The following DDX1 variants were observed in gnomAD, a reference collection of about 807,000 sequenced individuals.
The protein encoded by DDX1 is DEAD-box helicase 1.
A neutral mutation model predicts 108.7 loss-of-function variants in DDX1; 28 were observed. The observed-to-expected ratio is 0.26, with a 90% CI of 0.19 to 0.35. The LOEUF is 0.35. Among genes scored for constraint, DDX1 ranks in the 10% least tolerant of loss-of-function variants. The pLI is 1.00. For missense variants in DDX1, 710 were observed against 884.5 expected (o/e 0.80, Z 2.50); for synonymous variants, 295 against 288.9 (o/e 1.02, Z -0.21).
chr2:15,610,851 TC>T (rs1181927496), intron 13 of DDX1, among the ~76,000 whole-genome samples: 2 of 137,306 alleles, frequency 1.5e-5, no homozygotes, highest in Non-Finnish European at 3.0e-5. Flanking sequence ...TTTCCCACCT[TC>T]CCCAGACTTG....
Position 15,617,248 on chromosome 2 carries a change from A to C in DDX1, c.1022A>C (p.Asp341Ala). 1 of 1,559,938 alleles carries C rather than the reference A, an allele frequency of 6.4e-7. No homozygotes were observed. The highest frequency in any genetic ancestry group is 8.7e-7 in the Non-Finnish European group (1 of 1,147,220). Residue 341 changes from aspartate (D) to alanine (A), a missense_variant, in exon 15 of 26, where the codon GAT becomes GCT. This residue lies in a region of DDX1 where 661 missense variants were observed against 810.2 expected (regional missense o/e 0.82). Coordinates refer to ENST00000233084, the MANE Select transcript of DDX1 (RefSeq NM_004939.3). ...GGTTGGTTTGCTTTTTTTCAGGTAGATATAGTTGTAGGTACTCCGGGAAGA... is the reference window on the plus strand; with the variant it reads ...GGTTGGTTTGCTTTTTTTCAGGTAGCTATAGTTGTAGGTACTCCGGGAAGA... ...DQLSVLENGV[D>A]IVVGTPGRLD...
rs1389008261 is a variant in DDX1, at chr2:15,607,297, G to A, written c.940G>A (p.Asp314Asn). Residue 314 changes from aspartate to asparagine, a missense_variant, in exon 13 of 26, where the codon GAT becomes AAT. Asp to Asn is a conservative substitution (Grantham distance 23). Around this residue, in one of 3 missense-constraint regions of DDX1, gnomAD observed 661 missense variants for 810.2 expected, o/e 0.82. Coordinates refer to ENST00000233084, the MANE Select transcript of DDX1 (RefSeq NM_004939.3). ...CATCAAGCAGTTTAAGAAATACATT[G>A]ATAATCCTAAATTAAGGTAAATCTT... is the stretch of plus-strand genomic sequence containing the variant. ...NNIKQFKKYIDNPKLRELLII... is the reference protein window; with the variant it reads ...NNIKQFKKYINNPKLRELLII... The A allele has an allele frequency of 6.2e-7, 1 of 1,613,018 alleles. No individual in the cohort carries two copies. The highest frequency in any genetic ancestry group is 1.3e-5 in the African/African-American group (1 of 74,882).
chr2:15,597,967 A>G (rs1665527603), intron 5 of DDX1, among the ~76,000 whole-genome samples: 1 of 152,114 alleles, frequency 6.6e-6, no homozygotes, highest in Non-Finnish European at 1.5e-5. Flanking sequence ...TCCTATCTAC[A>G]TGGAAATTGG....
At chr2:15,594,890 T>A (rs1665474214) in intron 1 of DDX1, among the ~76,000 whole-genome samples, 1 of 152,216 alleles carries the variant, frequency 6.6e-6, no homozygotes, top group South Asian at 2.1e-4. Flanking sequence ...AGGTAGGCAA[T>A]ATCAGCCCCA....
intron 1 of DDX1, among the ~76,000 whole-genome samples, chr2:15,592,927 T>TG (rs1248618430): frequency 9.8e-5 from 6 of 61,102 alleles, no homozygotes; most frequent in South Asian, 1.3e-3. Flanking sequence ...GGGGGGAGAA[T>TG]GGGGGGGTGG....
chr2:15,625,985 A>G (rs1666095768), intron 19 of DDX1, among the ~76,000 whole-genome samples: 1 of 152,030 alleles, frequency 6.6e-6, no homozygotes, highest in Non-Finnish European at 1.5e-5. Context: ...TATGTTTTGA[A>G]TGGAGGAGTT....
At chr2:15,598,147 CTT>C (rs1358561105) in intron 5 of DDX1, among the ~76,000 whole-genome samples, 2 of 152,068 alleles carry the variant, frequency 1.3e-5, no homozygotes, top group Non-Finnish European at 2.9e-5. Context: ...TTAAGTCACT[CTT>C]GTTTCATTAT....
Position 15,597,474 on chromosome 2 carries a change from A to G in DDX1, c.259+3A>G, listed in dbSNP as rs1573036101. 6.4e-7 allele frequency: 1 copy of G among 1,552,708 alleles called. No individual in the cohort carries two copies. The highest frequency in any genetic ancestry group is 8.8e-7 in the Non-Finnish European group (1 of 1,133,446). On this transcript the variant is annotated splice_donor_region_variant and intron_variant, in intron 5 of 25. Coordinates refer to ENST00000233084, the MANE Select transcript of DDX1 (RefSeq NM_004939.3). The stretch of plus-strand genomic sequence containing the variant: ...AACAATTAAAACTGGTGCTTCAGGT[A>G]ATTTTTGTAAATTGATATTTCCTTT...
intron 1 of DDX1, 152 bp downstream of exon 1, chr2:15,592,101 C>A: frequency 1.3e-6 from 1 of 745,362 alleles, no homozygotes; most frequent in Non-Finnish European, 1.9e-6. Context: ...ACCCGCGTTG[C>A]GGGATCAGGG....
intron 1 of DDX1, among the ~76,000 whole-genome samples, chr2:15,594,137 A>T (rs1665464027): frequency 2.6e-5 from 4 of 152,072 alleles, no homozygotes; most frequent in Non-Finnish European, 5.9e-5. Context: ...TTTGAAAATG[A>T]TGATCCTTCT....
At chr2:15,616,042 G>A (rs1020721450) in intron 14 of DDX1, among the ~76,000 whole-genome samples, 9 of 147,722 alleles carry the variant, frequency 6.1e-5, no homozygotes, top group African/African-American at 2.0e-4. Flanking sequence ...AGATGTGCAC[G>A]CCGCCATGCC....
In DDX1 at chr2:15,627,061, TA is replaced by T; in HGVS notation, c.1608del (p.Gly537AspfsTer30). 1 of 1,607,262 alleles carries T rather than the reference TA, an allele frequency of 6.2e-7. No individual in the cohort carries two copies. Among genetic ancestry groups the T allele is most frequent in the Non-Finnish European group, 8.5e-7 (1 of 1,176,498 alleles). ...YFIQQGGGPD[K>X]KGHQFSCVCL... ...TAATGTGCTTTTCACTAGGACCTGA[TA>T]AAAAAGGACACCAGTTCTCATGTGT... On this transcript the variant is annotated frameshift_variant, in exon 20 of 26. Transcript: ENST00000233084. LOFTEE classifies it high-confidence loss of function.
intron 1 of DDX1, among the ~76,000 whole-genome samples, chr2:15,593,139 C>G (rs1665445372): frequency 6.6e-6 from 1 of 152,106 alleles, no homozygotes; most frequent in African/African-American, 2.4e-5. Context: ...CCAGGCTGGT[C>G]TCGAACTCCT....
At chr2:15,597,752 C>T (rs1665524744) in intron 5 of DDX1, among the ~76,000 whole-genome samples, 1 of 152,032 alleles carries the variant, frequency 6.6e-6, no homozygotes, top group Non-Finnish European at 1.5e-5. Flanking sequence ...AACCTTATAA[C>T]TTTCTATGCT....
intron 23 of DDX1, 84 bp from the exon 24 acceptor site, chr2:15,629,518 A>G: frequency 3.0e-6 from 3 of 987,116 alleles, no homozygotes; most frequent in South Asian, 3.4e-5. Flanking sequence ...GAGGACAGAA[A>G]ACAATTAAAA....
Position 15,630,077 on chromosome 2 carries a change from A to G in DDX1, c.2059A>G (p.Lys687Glu), listed in dbSNP as rs778134003. The change falls in exon 25 of 26, where the codon AAA becomes GAA. Residue 687 changes from lysine (K) to glutamate (E), a missense_variant. Physicochemically the swap from Lys to Glu is moderately conservative, Grantham distance 56. Transcript: ENST00000233084. Reference sequence around the variant, plus strand: ...GGTACCAGTGGATGAATTTGATGGGAAAGTTACCTACGGTCAGAAAAGGGC... The same window carrying G: ...GGTACCAGTGGATGAATTTGATGGGGAAGTTACCTACGGTCAGAAAAGGGC... ...IKVPVDEFDG[K>E]VTYGQKRAAG... The G allele has an allele frequency of 1.2e-6, 2 of 1,613,718 alleles. No individual in the cohort carries two copies. The highest frequency in any genetic ancestry group is 1.7e-6 in the Non-Finnish European group (2 of 1,179,780).
chr2:15,629,661 A>G lies in DDX1; in HGVS notation c.1935A>G (p.Glu645=), dbSNP rs1165209343. 12 of 1,589,242 alleles carry G rather than the reference A, an allele frequency of 7.6e-6. No individual in the cohort carries two copies. The East Asian group carries it at 2.8e-4, about 37-fold the overall frequency. ...GKGCYNTRLK[E]DGGCTIWYNE... Reference sequence around the variant, plus strand: ...GGTGTTATAACACAAGACTCAAGGAAGATGGAGGCTGTACCATATGGTACA... The same window carrying G: ...GGTGTTATAACACAAGACTCAAGGAGGATGGAGGCTGTACCATATGGTACA... Residue 645 remains glutamate (E), a synonymous_variant, in exon 24 of 26, where the codon GAA becomes GAG. Coordinates refer to ENST00000233084, the MANE Select transcript of DDX1 (RefSeq NM_004939.3).
At chr2:15,611,490 C>A (rs1402608556) in intron 13 of DDX1, among the ~76,000 whole-genome samples, 1 of 141,122 alleles carries the variant, frequency 7.1e-6, no homozygotes, top group Non-Finnish European at 1.5e-5. Context: ...ACCTCCCGGA[C>A]GGGGCGGCTG....
chr2:15,606,950 A>C (rs1266279891), intron 12 of DDX1, among the ~76,000 whole-genome samples: 8 of 152,170 alleles, frequency 5.3e-5, no homozygotes, highest in African/African-American at 1.4e-4. Flanking sequence ...GGGCCGCCCA[A>C]AGTGCTAGGA....
Sources: allele counts gnomAD v4.1 joint callset (sites outside exome capture counted in the v4.1 genomes callset), GRCh38; gene constraint gnomAD v4.1.1; regional missense constraint gnomAD v4.1.1; transcripts MANE v1.5; gene names NCBI Gene and HGNC (gene_info 2026-07-23, HGNC 2026-07-21).